DNAH9: variants seen among roughly 807,000 people sequenced by gnomAD.
DNAH9 encodes the protein DNAH9 variant protein.
DNAH9 carries 345 observed loss-of-function variants against 471.6 expected under a neutral mutation model. That is an observed-to-expected ratio of 0.73 (90% CI 0.67 to 0.80). The LOEUF (loss-of-function observed/expected upper bound fraction) is 0.80. DNAH9 is among the 30% of genes least tolerant of loss of function. The probability of loss-of-function intolerance (pLI) is 0.00; values close to 1 mark genes in which losing one functional copy is unlikely to be tolerated. For missense variants in DNAH9, 5,407 were observed against 5,609.2 expected (o/e 0.96, Z 1.15); for synonymous variants, 2,093 against 2,123.6 (o/e 0.99, Z 0.40).
chr17:11,723,665 AT>A (rs111749738), intron 27 of DNAH9, among the ~76,000 whole-genome samples: 3,722 of 149,940 alleles, frequency 0.025, 75 homozygotes, highest in East Asian at 0.1. Context: ...AAAAAATTGA[AT>A]TTTTTTTTTC....
intron 33 of DNAH9, 55 bp from the exon 34 acceptor site, chr17:11,756,513 C>G (rs1967393309): frequency 5.0e-6 from 5 of 990,646 alleles, no homozygotes; most frequent in Admixed American, 3.4e-5. Flanking sequence ...TCCCCACAGG[C>G]TGGCAAGGCA....
chr17:11,613,705 G>A (rs887661570), intron 4 of DNAH9, among the ~76,000 whole-genome samples: 1 of 152,208 alleles, frequency 6.6e-6, no homozygotes, highest in African/African-American at 2.4e-5. Flanking sequence ...TTTTCATGTT[G>A]TCTAATTTAG....
At chr17:11,741,459 A>T (rs925298133) in intron 29 of DNAH9, among the ~76,000 whole-genome samples, 2 of 152,194 alleles carry the variant, frequency 1.3e-5, no homozygotes, top group Admixed American at 6.5e-5. Context: ...CACCATCTTA[A>T]TACATATTTT....
chr17:11,791,060 A>G (rs1969047431), intron 41 of DNAH9, among the ~76,000 whole-genome samples: 1 of 152,046 alleles, frequency 6.6e-6, no homozygotes, highest in Admixed American at 6.6e-5. Context: ...ATTCCTGTAC[A>G]TTCCTGTTCT....
chr17:11,797,892 A>G, intron 43 of DNAH9, 99 bp downstream of exon 43: 3 of 1,250,678 alleles, frequency 2.4e-6, no homozygotes, highest in Non-Finnish European at 3.3e-6. Flanking sequence ...AAAGCCAGGT[A>G]AGGAGCTCCG....
In DNAH9 at chr17:11,937,594, G is replaced by A; in HGVS notation, c.12660+72G>A. 6.7e-7 allele frequency: 1 copy of A among 1,495,866 alleles called. No individual in the cohort carries two copies. Among genetic ancestry groups the A allele is most frequent in the Non-Finnish European group, 9.0e-7 (1 of 1,116,722 alleles). The allele number at this position is 1,495,866 out of a possible 1,614,324, so 92.7% of individuals were successfully genotyped here. A position where few individuals can be genotyped will look rare whatever the true frequency, so the allele number is the denominator to read the frequency against. ...GATCATAGATGCACACCTTTCTCCT[G>A]CTGGCCATTTTGGCAGTACACAGCA... On this transcript the variant is annotated intron_variant, in intron 66 of 68. Transcript: ENST00000262442. This position sits in a 1 kb window ranked among gnomAD's most constrained non-coding sequence, Gnocchi z 4.1.
At chr17:11,902,504 C>T (rs556867805) in intron 59 of DNAH9, among the ~76,000 whole-genome samples, 8 of 152,244 alleles carry the variant, frequency 5.3e-5, no homozygotes, top group South Asian at 2.1e-4. Context: ...ACATTTTATG[C>T]GCTAAATCTT....
chr17:11,788,287 T>G (rs1196024039), intron 41 of DNAH9, among the ~76,000 whole-genome samples: 1 of 152,174 alleles, frequency 6.6e-6, no homozygotes, highest in African/African-American at 2.4e-5. Context: ...GAGGCTGCAA[T>G]AAACATCTGG....
At chr17:11,653,966 T>C (rs1257253790) in intron 14 of DNAH9, among the ~76,000 whole-genome samples, 1 of 152,080 alleles carries the variant, frequency 6.6e-6, no homozygotes, top group African/African-American at 2.4e-5. Flanking sequence ...CTGGGCACTG[T>C]ATCGAATACC....
chr17:11,700,285 T>C lies in DNAH9; in HGVS notation c.5025+402T>C, dbSNP rs186247471. On this transcript the variant is annotated intron_variant, in intron 23 of 68. Coordinates refer to ENST00000262442, the MANE Select transcript of DNAH9 (RefSeq NM_001372.4). ...CCTCCCTGGGAGAAAAATGTCCTTT[T>C]GTGGAACCAGCTGCTTTCCTGAGAT... 1.6e-4 allele frequency among the ~76,000 whole-genome samples: 24 copies of C among 152,280 alleles called. No homozygotes were observed. The South Asian group carries it at 2.3e-3, about 14-fold the overall frequency.
chr17:11,809,597 A>C (rs1223673924), intron 44 of DNAH9, among the ~76,000 whole-genome samples: 1 of 151,984 alleles, frequency 6.6e-6, no homozygotes, highest in Non-Finnish European at 1.5e-5. Flanking sequence ...TAAAAACTAC[A>C]AGACCCTGCT....
At chr17:11,774,362 G>C (rs2150885027) in intron 38 of DNAH9, among the ~76,000 whole-genome samples, 1 of 152,252 alleles carries the variant, frequency 6.6e-6, no homozygotes, top group Middle Eastern at 3.4e-3. Context: ...GCATTAGTCT[G>C]TTCTCACACT....
At chr17:11,715,004 G>A (rs1041975492) in intron 26 of DNAH9, among the ~76,000 whole-genome samples, 1 of 152,176 alleles carries the variant, frequency 6.6e-6, no homozygotes, top group African/African-American at 2.4e-5. Context: ...ACAGAAGTGT[G>A]AGATAACGAG....
At chr17:11,757,729 A>G in intron 35 of DNAH9, 37 bp downstream of exon 35, 1 of 1,605,740 alleles carries the variant, frequency 6.2e-7, no homozygotes, top group Non-Finnish European at 8.5e-7. Flanking sequence ...GAGTTAAAGC[A>G]GCAATAAAAA....
chr17:11,763,398 A>C (rs1197333475), intron 35 of DNAH9, 42 bp from the exon 36 acceptor site: 2 of 1,576,748 alleles, frequency 1.3e-6, no homozygotes, highest in African/African-American at 2.7e-5. Flanking sequence ...CCAGAATGGA[A>C]TATCCTCTGT....
At chr17:11,696,756 G>A (rs2074484509) in intron 22 of DNAH9, among the ~76,000 whole-genome samples, 1 of 152,122 alleles carries the variant, frequency 6.6e-6, no homozygotes, top group African/African-American at 2.4e-5. Context: ...TCCAGGTGTG[G>A]TGGTGTTGAA....
intron 62 of DNAH9, among the ~76,000 whole-genome samples, chr17:11,926,451 C>T (rs1216735099): frequency 6.6e-6 from 1 of 152,086 alleles, no homozygotes; most frequent in African/African-American, 2.4e-5. Flanking sequence ...TTCCCCGCCC[C>T]GTGTGTCCAT....
rs549313897 is a variant in DNAH9 at position 11,685,196 on chromosome 17, AT to A, written c.3743+4308del. 3.3e-3 allele frequency among the ~76,000 whole-genome samples: 500 copies of A among 152,264 alleles called. 2 individuals are homozygous for A. The highest frequency in any genetic ancestry group is 0.011 in the African/African-American group (466 of 41,556). ...AGGCAGTTCACACCTCCCCTAGAAC[AT>A]GGTGCTTATCATGGTGAGCCAGAGC... On this transcript the variant is annotated intron_variant, in intron 19 of 68. Transcript: ENST00000262442.
chr17:11,688,143 C>G (rs768526383), intron 19 of DNAH9, among the ~76,000 whole-genome samples: 75 of 138,768 alleles, frequency 5.4e-4, no homozygotes, highest in Non-Finnish European at 1.1e-3. Flanking sequence ...CATGTAGGGT[C>G]TTATGTTGGG....
Sources: gnomAD v4.1 joint callset for allele counts (sites outside exome capture counted in the v4.1 genomes callset) on GRCh38, gnomAD v4.1.1 for gene constraint, Gnocchi (gnomAD v3.1) non-coding constraint, MANE v1.5 for transcripts, NCBI Gene and HGNC (gene_info 2026-07-23, HGNC 2026-07-21) for gene names.